Variants in DENND2B observed in about 807,000 individuals in gnomAD.
DENND2B encodes DENN domain containing 2B.
DENND2B carries 32 observed loss-of-function variants against 116.0 expected under a neutral mutation model. That is an observed-to-expected ratio of 0.28 (90% CI 0.21 to 0.37). The LOEUF (loss-of-function observed/expected upper bound fraction) is 0.37, where lower values mean the gene tolerates loss of function less well. DENND2B is among the 10% of genes least tolerant of loss of function. The probability of loss-of-function intolerance (pLI) is 1.00; values close to 1 mark genes in which losing one functional copy is unlikely to be tolerated. For synonymous variants in DENND2B, 588 were observed against 583.9 expected (o/e 1.01, Z -0.10); for missense variants, 1,276 against 1,477.7 (o/e 0.86, Z 2.24).
chr11:8,766,140 T>G (rs776151664), intron 1 of DENND2B, among the ~76,000 whole-genome samples: 2 of 151,950 alleles, frequency 1.3e-5, no homozygotes, highest in Non-Finnish European at 2.9e-5. Context: ...CTAAGAAAGT[T>G]TGGGAGTCTC....
intron 1 of DENND2B, among the ~76,000 whole-genome samples, chr11:8,767,009 T>C (rs933688052): frequency 2.0e-5 from 3 of 152,110 alleles, no homozygotes; most frequent in African/African-American, 7.2e-5. Flanking sequence ...AATTCCAGGA[T>C]TGGCCAAATA....
intron 1 of DENND2B, among the ~76,000 whole-genome samples, chr11:8,759,319 G>C (rs890555579): frequency 5.9e-5 from 9 of 152,194 alleles, no homozygotes; most frequent in Admixed American, 1.3e-4. Flanking sequence ...CTTGAAGCAG[G>C]AGACAGCTGA....
chr11:8,696,691 A>C (rs1186381594), intron 17 of DENND2B, 25 bp from the exon 18 acceptor site: 1 of 1,612,180 alleles, frequency 6.2e-7, no homozygotes, highest in South Asian at 1.1e-5. Flanking sequence ...ACAATCTTTG[A>C]GGTTCAGGTC....
At chr11:8,765,139 C>G (rs1227558310) in intron 1 of DENND2B, among the ~76,000 whole-genome samples, 1 of 152,072 alleles carries the variant, frequency 6.6e-6, no homozygotes, top group Non-Finnish European at 1.5e-5. Context: ...CTCACACACA[C>G]AGACCCTGGT....
At chr11:8,849,357 G>C (rs1156773139) in intron 3 of DENND2B, among the ~76,000 whole-genome samples, 5 of 151,956 alleles carry the variant, frequency 3.3e-5, no homozygotes, top group African/African-American at 1.2e-4. Flanking sequence ...GCCAGGTGTG[G>C]TGGCAGATGG....
chr11:8,696,792 G>A, intron 17 of DENND2B, 126 bp from the exon 18 acceptor site: 1 of 1,439,010 alleles, frequency 6.9e-7, no homozygotes, highest in East Asian at 2.3e-5. Context: ...TGTTCTGGAA[G>A]CTCTTTTTGA....
Position 8,699,832 on chromosome 11 carries a change from C to T in DENND2B, c.2721-442G>A, listed in dbSNP as rs985334137. On this transcript the variant is annotated intron_variant, in intron 14 of 19. Transcript: ENST00000313726. ...TGTGGAAAACCTAAAACATCAGCAA[C>T]GGATCATGAGCTGGCTGGACCTACC... 7 of 456,530 alleles carry T rather than the reference C, an allele frequency of 1.5e-5. 1 individual carries two copies. The highest frequency in any genetic ancestry group is 9.4e-5 in the Admixed American group (4 of 42,510). 28.3% of individuals were successfully genotyped at this position (456,530 alleles called of 1,614,324 possible).
upstream of DENND2B, among the ~76,000 whole-genome samples, chr11:8,875,781 T>C (rs1412278525): frequency 3.3e-5 from 5 of 152,090 alleles, no homozygotes; most frequent in Admixed American, 3.3e-4. Context: ...ATACACCAGG[T>C]AAAAACTTCA....
chr11:8,777,751 G>A (rs926635439), intron 1 of DENND2B, among the ~76,000 whole-genome samples: 1 of 152,086 alleles, frequency 6.6e-6, no homozygotes, highest in Non-Finnish European at 1.5e-5. Context: ...GGAATATAAT[G>A]TTCAACCCAG....
intron 1 of DENND2B, among the ~76,000 whole-genome samples, chr11:8,910,427 T>A (rs2064302774): frequency 6.6e-6 from 1 of 151,972 alleles, no homozygotes; most frequent in Non-Finnish European, 1.5e-5. Flanking sequence ...GAAGTCTTCC[T>A]CTGTCGCCCA....
chr11:8,838,573 G>A (rs1416660264), intron 4 of DENND2B, among the ~76,000 whole-genome samples: 1 of 152,218 alleles, frequency 6.6e-6, no homozygotes, highest in Non-Finnish European at 1.5e-5. Context: ...ATGCCAGAGA[G>A]GAAAACTGTG....
intron 6 of DENND2B, 121 bp downstream of exon 6, chr11:8,715,482 C>T (rs1359323104): frequency 5.1e-6 from 5 of 985,912 alleles, no homozygotes; most frequent in Non-Finnish European, 7.5e-6. Context: ...AGAATTTATT[C>T]AAAGGGAATC....
rs760002778 is a variant in DENND2B at position 8,715,782 on chromosome 11, C to T, written c.1666G>A (p.Gly556Arg). The T allele has an allele frequency of 7.4e-6, 12 of 1,612,196 alleles. No individual in the cohort carries two copies. Among genetic ancestry groups the T allele is most frequent in the Admixed American group, 6.7e-5 (4 of 59,976 alleles). ...TGGCTCTTCCTTTCTGACCAGTTCC[C>T]ACTGCGCAGGGACTGGCTGTTGGGT... Reference protein sequence around the residue: ...LKPNSQSLRSGNWSERKSHRL... With the variant: ...LKPNSQSLRSRNWSERKSHRL... The change falls in exon 6 of 20, where the codon GGG becomes AGG. Residue 556 changes from glycine to arginine, a missense_variant. Physicochemically the swap from Gly to Arg is moderately radical, Grantham distance 125 (BLOSUM62 -2). This residue lies in a region of DENND2B where 856 missense variants were observed against 846.6 expected (regional missense o/e 1.01). Coordinates refer to ENST00000313726, the MANE Select transcript of DENND2B (RefSeq NM_213618.2).
rs549403871 is a variant in DENND2B at position 8,865,249 on chromosome 11, A to G, written c.-250+5705T>C. On this transcript the variant is annotated intron_variant, in intron 2 of 6. Coordinates refer to the DENND2B transcript ENST00000524757. ...AAGGCTGGATTCTTCTTAAGCCCTT[A>G]AAGGACTTGAGTAAAATTCTTTTGA... Among the ~76,000 whole-genome samples, 7 of 152,330 alleles carry G rather than the reference A, an allele frequency of 4.6e-5. No individual in the cohort carries two copies. The South Asian group carries it at 1.0e-3, about 23-fold the overall frequency.
At chr11:8,701,309 G>A (rs139735191) in intron 14 of DENND2B, among the ~76,000 whole-genome samples, 1 of 125,018 alleles carries the variant, frequency 8.0e-6, no homozygotes, top group Non-Finnish European at 1.6e-5. Flanking sequence ...CCCTACATTC[G>A]CATATTAAAA....
intron 5 of DENND2B, 133 bp from the exon 6 acceptor site, chr11:8,715,951 A>C (rs530177700): frequency 7.7e-6 from 6 of 783,766 alleles, no homozygotes; most frequent in Non-Finnish European, 1.2e-5. Flanking sequence ...TGGAACTTCC[A>C]TCCCTCTCTT....
chr11:8,893,571 T>C (rs2064060215), intron 1 of DENND2B, among the ~76,000 whole-genome samples: 1 of 152,190 alleles, frequency 6.6e-6, no homozygotes, highest in Admixed American at 6.5e-5. Flanking sequence ...AAAATCAATG[T>C]GCAAAAATCA....
At chr11:8,895,910 C>T (rs1262380647) in intron 1 of DENND2B, among the ~76,000 whole-genome samples, 1 of 151,958 alleles carries the variant, frequency 6.6e-6, no homozygotes, top group African/African-American at 2.4e-5. Flanking sequence ...AGGTATGAAC[C>T]ACCATGACCG....
At chr11:8,696,769 A>G in intron 17 of DENND2B, 103 bp from the exon 18 acceptor site, 1 of 1,508,530 alleles carries the variant, frequency 6.6e-7, no homozygotes. Flanking sequence ...ACTTCCAGCC[A>G]GTACCACTCT....
Sources: gnomAD v4.1 joint callset for allele counts (sites outside exome capture counted in the v4.1 genomes callset) on GRCh38, gnomAD v4.1.1 for gene constraint, gnomAD v4.1.1 regional missense constraint, MANE v1.5 for transcripts, NCBI Gene and HGNC (gene_info 2026-07-23, HGNC 2026-07-21) for gene names.